Variants in SGK2 observed in about 807,000 individuals in gnomAD.
The protein encoded by SGK2 is serine/threonine-protein kinase Sgk2.
In SGK2, 36 loss-of-function variants were observed where a neutral mutation model predicts 47.5. The ratio of observed to expected loss-of-function variants is 0.76; its 90% CI spans 0.58 to 1.00. The LOEUF (loss-of-function observed/expected upper bound fraction) is 1.00, where lower values mean the gene tolerates loss of function less well. Among genes scored for constraint, SGK2 ranks in the 50% least tolerant of loss-of-function variants. SGK2 has a pLI of 0.00. For missense variants in SGK2, 404 were observed against 467.4 expected (o/e 0.86, Z 1.25); for synonymous variants, 157 against 181.9 (o/e 0.86, Z 1.10).
intron 1 of SGK2, chr20:43,565,097 C>G (rs974462456): frequency 6.6e-6 from 1 of 152,354 alleles, no homozygotes; most frequent in African/African-American, 2.4e-5. Flanking sequence ...TAAGCTCTGC[C>G]GGATCCCGCG....
chr20:43,582,351 C>T (rs1421776164), intron 12 of SGK2, among the ~76,000 whole-genome samples: 1 of 152,108 alleles, frequency 6.6e-6, no homozygotes, highest in East Asian at 1.9e-4. Flanking sequence ...GCCACCACAC[C>T]TGGCCAGTTT....
Position 43,571,068 on chromosome 20 carries a change from T to TGG in SGK2, c.510+9_510+10insGG, listed in dbSNP as rs748703098. On this transcript the variant is annotated intron_variant, in intron 8 of 12. Transcript: ENST00000373100. ...ATTCTCTTGGACTGCCAGGTTGGTG[T>TGG]GTGTGTGTGTGTGTGTGTGTGTGTG... The TGG allele has an allele frequency of 7.3e-4, 56 of 77,224 alleles. 1 individual carries two copies. Among genetic ancestry groups the TGG allele is most frequent in the Middle Eastern group, 4.7e-3 (1 of 212 alleles). The allele number at this position is 77,224 out of a possible 1,614,324, so 4.8% of individuals were successfully genotyped here.
At chr20:43,562,357 G>A (rs1979438945) in intron 1 of SGK2, among the ~76,000 whole-genome samples, 1 of 140,638 alleles carries the variant, frequency 7.1e-6, no homozygotes, top group South Asian at 2.2e-4. Flanking sequence ...GGTAAAGATT[G>A]CAGAGAGCCT....
intron 3 of SGK2, 74 bp from the exon 4 acceptor site, chr20:43,567,591 G>C: frequency 7.3e-7 from 1 of 1,373,054 alleles, no homozygotes; most frequent in Non-Finnish European, 1.0e-6. Context: ...TTAAAAAGAA[G>C]CCCAGGTTTG....
chr20:43,581,007 C>A (rs1980761774), intron 12 of SGK2, among the ~76,000 whole-genome samples: 1 of 151,824 alleles, frequency 6.6e-6, no homozygotes, highest in African/African-American at 2.4e-5. Flanking sequence ...TCCTGAGTAG[C>A]TGGGACTACA....
rs1238552991 is a variant in SGK2 at position 43,572,794 on chromosome 20, T to C, written c.597+657T>C. 6.6e-6 allele frequency among the ~76,000 whole-genome samples: 1 copy of C among 152,272 alleles called. No individual in the cohort carries two copies. The highest frequency in any genetic ancestry group is 1.5e-5 in the Non-Finnish European group (1 of 68,044). On this transcript the variant is annotated intron_variant, in intron 9 of 12. Coordinates refer to ENST00000373100, the MANE Select transcript of SGK2 (RefSeq NM_170693.3). The surrounding 1 kb of genome is among the most constrained non-coding windows in gnomAD (Gnocchi z 4.2). ...AAATTAATTTTAATGATGTATTTTA[T>C]TTAACCCAATATATCCAATATTCTC...
intron 12 of SGK2, among the ~76,000 whole-genome samples, chr20:43,581,346 C>T (rs1260571987): frequency 6.6e-6 from 1 of 152,026 alleles, no homozygotes; most frequent in Non-Finnish European, 1.5e-5. Context: ...CATAATATTT[C>T]CATCTTATGT....
intron 12 of SGK2, among the ~76,000 whole-genome samples, chr20:43,583,960 G>A (rs1368561011): frequency 6.6e-6 from 1 of 152,036 alleles, no homozygotes; most frequent in Admixed American, 6.6e-5. Flanking sequence ...AAAAGACCTT[G>A]TCTCTTAAAA....
chr20:43,573,373 C>T (rs1980264596), intron 9 of SGK2, among the ~76,000 whole-genome samples: 1 of 151,722 alleles, frequency 6.6e-6, no homozygotes, highest in Non-Finnish European at 1.5e-5. Context: ...CCTGTAATCC[C>T]AGCTACTCAG....
chr20:43,569,499 T>C lies in SGK2; in HGVS notation c.343T>C (p.Tyr115His). ...TGAGAAGCTCTACTTCGTGCTCGAC[T>C]ATGTCAACGGGGGAGAGGTGGGTGG... is the stretch of plus-strand genomic sequence containing the variant. ...TPEKLYFVLDYVNGGELFFHL... is the reference protein window; with the variant it reads ...TPEKLYFVLDHVNGGELFFHL... The change falls in exon 6 of 13, where the codon TAT (tyrosine) becomes CAT (histidine). Residue 115 changes from tyrosine (Y) to histidine (H), a missense_variant. Coordinates refer to ENST00000373100, the MANE Select transcript of SGK2 (RefSeq NM_170693.3). The C allele has an allele frequency of 6.2e-7, 1 of 1,613,284 alleles. No homozygotes were observed. Among genetic ancestry groups the C allele is most frequent in the Non-Finnish European group, 8.5e-7 (1 of 1,179,974 alleles).
At chr20:43,570,145 T>C (rs534599121) in intron 6 of SGK2, among the ~76,000 whole-genome samples, 49 of 152,328 alleles carry the variant, frequency 3.2e-4, no homozygotes, top group African/African-American at 1.1e-3. Context: ...TGGGTGGATC[T>C]AACCTGAGCT....
chr20:43,566,108 C>G (rs1979690649), intron 1 of SGK2: 1 of 493,904 alleles, frequency 2.0e-6, no homozygotes, highest in African/African-American at 1.9e-5. Flanking sequence ...TGGGTTCAGA[C>G]TTTATGCCCT....
Position 43,576,013 on chromosome 20 carries a change from C to T in SGK2, c.694-211C>T, listed in dbSNP as rs1278046420. On this transcript the variant is annotated intron_variant, in intron 10 of 12. Transcript: ENST00000373100. ...GCTAGATGAAAAGAGATGGGCCTCA[C>T]GCTGGTGGGAAGAGACTTCTGACCT... 2.6e-5 allele frequency among the ~76,000 whole-genome samples: 4 copies of T among 152,304 alleles called. No homozygotes were observed. In the South Asian group the frequency reaches 8.3e-4, roughly 32 times the overall value.
intron 1 of SGK2, chr20:43,564,757 C>G (rs1979585822): frequency 6.6e-6 from 1 of 152,614 alleles, no homozygotes; most frequent in African/African-American, 2.4e-5. Flanking sequence ...CACTGAGATA[C>G]AGTGACACAC....
chr20:43,570,747 C>T lies in SGK2; in HGVS notation c.473+18C>T, dbSNP rs1600991807. Reference sequence around the variant, plus strand: ...ATTTACAGGTGAGGCCTGCCTGTGGCTCAGAGCCAGGACCAAGCCCTTCTT... The same window carrying T: ...ATTTACAGGTGAGGCCTGCCTGTGGTTCAGAGCCAGGACCAAGCCCTTCTT... On this transcript the variant is annotated intron_variant, in intron 7 of 12. Transcript: ENST00000373100. 7.6e-6 allele frequency: 12 copies of T among 1,575,392 alleles called. No homozygotes were observed. Among genetic ancestry groups the T allele is most frequent in the Non-Finnish European group, 1.0e-5 (12 of 1,146,680 alleles).
At chr20:43,571,108 G>A (rs1436735498) in intron 8 of SGK2, 48 bp downstream of exon 8, 5 of 1,562,428 alleles carry the variant, frequency 3.2e-6, no homozygotes, top group Middle Eastern at 2.0e-4. Context: ...TGTGTATGTG[G>A]TTGCACAGGT....
intron 2 of SGK2, 31 bp downstream of exon 2, chr20:43,566,562 C>A: frequency 1.4e-6 from 2 of 1,444,860 alleles, no homozygotes; most frequent in African/African-American, 1.4e-5. Flanking sequence ...CACCCATCAT[C>A]GGGGGCTCAC....
At chr20:43,579,487 C>T (rs949350544) in intron 11 of SGK2, among the ~76,000 whole-genome samples, 3 of 152,082 alleles carry the variant, frequency 2.0e-5, no homozygotes, top group African/African-American at 7.2e-5. Flanking sequence ...AGGGCTGAGT[C>T]CTAAAATCTG....
Position 43,567,796 on chromosome 20 carries a change from T to C in SGK2, c.144+74T>C, listed in dbSNP as rs555686880. The stretch of plus-strand genomic sequence containing the variant: ...CTCTTCCAGCCCCTGCTGCCACTTG[T>C]ATGTATGAAGAGAGAGCACTCGCAC... On this transcript the variant is annotated intron_variant, in intron 4 of 12. Transcript: ENST00000373100. The C allele has an allele frequency of 3.6e-5, 56 of 1,567,834 alleles. No homozygotes were observed. The South Asian group carries it at 6.1e-4, about 17-fold the overall frequency.
Sources: gnomAD v4.1 joint callset for allele counts (sites outside exome capture counted in the v4.1 genomes callset) on GRCh38, gnomAD v4.1.1 for gene constraint, Gnocchi (gnomAD v3.1) non-coding constraint, MANE v1.5 for transcripts, NCBI Gene and HGNC (gene_info 2026-07-23, HGNC 2026-07-21) for gene names.